The following RHCE variants were observed in gnomAD, a reference collection of about 807,000 sequenced individuals.
The protein encoded by RHCE is blood group Rh(CE) polypeptide.
Under a neutral mutation model 43.8 loss-of-function variants are expected in RHCE, and 22 were observed. That is an observed-to-expected ratio of 0.50 (90% CI 0.36 to 0.72). The LOEUF is 0.72. Among genes scored for constraint, RHCE ranks in the 30% least tolerant of loss-of-function variants. The pLI, the probability that RHCE is intolerant of heterozygous loss-of-function variation, is 0.00. For synonymous variants in RHCE, 156 were observed against 210.7 expected (o/e 0.74, Z 2.25); for missense variants, 385 against 525.4 (o/e 0.73, Z 2.61).
intron 3 of RHCE, among the ~76,000 whole-genome samples, chr1:25,399,546 A>G (rs1646664456): frequency 6.6e-6 from 1 of 151,208 alleles, no homozygotes; most frequent in Admixed American, 6.6e-5. Flanking sequence ...CATATGATCA[A>G]ACTTCCATAT....
rs534024725 is a variant in RHCE, at chr1:25,393,886, G to C, written c.487-1745C>G. 3.3e-5 allele frequency among the ~76,000 whole-genome samples: 5 copies of C among 152,214 alleles called. No individual in the cohort carries two copies. In the East Asian group the frequency reaches 9.6e-4, roughly 29 times the overall value. On this transcript the variant is annotated intron_variant, in intron 3 of 9. Coordinates refer to ENST00000294413, the MANE Select transcript of RHCE (RefSeq NM_020485.8). ...GGGTGTAACAAGGGCAGGATGGAGG[G>C]AGTAGTCCACCCTGGGTGCAAGCAA...
chr1:25,401,097 C>T (rs1487886963), intron 3 of RHCE, among the ~76,000 whole-genome samples: 3 of 152,150 alleles, frequency 2.0e-5, no homozygotes, highest in Non-Finnish European at 4.4e-5. Context: ...TCTCCTCTGC[C>T]CAACACTCCC....
intron 2 of RHCE, among the ~76,000 whole-genome samples, chr1:25,404,721 G>C (rs977772552): frequency 1.3e-5 from 2 of 151,856 alleles, no homozygotes; most frequent in Admixed American, 6.6e-5. Context: ...TGTGATCCTG[G>C]GCAACTTATT....
At chr1:25,371,045 C>T (rs1389034333) in intron 8 of RHCE, among the ~76,000 whole-genome samples, 1 of 149,996 alleles carries the variant, frequency 6.7e-6, no homozygotes, top group Non-Finnish European at 1.5e-5. Flanking sequence ...CATAAGCCAC[C>T]ACACCCGGCC....
Position 25,362,502 on chromosome 1 carries a change from C to A in RHCE, c.*25G>T, listed in dbSNP as rs768174478. The A allele has an allele frequency of 1.9e-6, 3 of 1,592,554 alleles. No individual in the cohort carries two copies. Among genetic ancestry groups the A allele is most frequent in the Admixed American group, 1.8e-5 (1 of 56,264 alleles). Reference sequence around the variant, plus strand: ...GGAAGTTGTCTTGTTTTTGAACAGGCCTTGTTTTTCTTGGATGCTTTTGCT... The same window carrying A: ...GGAAGTTGTCTTGTTTTTGAACAGGACTTGTTTTTCTTGGATGCTTTTGCT... On this transcript the variant is annotated 3_prime_UTR_variant, in exon 10 of 10. Transcript: ENST00000294413.
At position 25,402,756 on chromosome 1, in the gene RHCE, A is replaced by T; in HGVS notation, c.336-10T>A. 1 of 1,614,156 alleles carries T rather than the reference A, an allele frequency of 6.2e-7. No individual in the cohort carries two copies. The highest frequency in any genetic ancestry group is 2.2e-5 in the East Asian group (1 of 44,874). ...GGTGGCCAGCCGAATACTGGGGGTGAGAAGGAGAGCCAGGATGACTGAGAA... is the reference window on the plus strand; with the variant it reads ...GGTGGCCAGCCGAATACTGGGGGTGTGAAGGAGAGCCAGGATGACTGAGAA... On this transcript the variant is annotated splice_polypyrimidine_tract_variant and intron_variant, in intron 2 of 9. Transcript: ENST00000294413.
chr1:25,421,931 G>C (rs989178748), upstream of RHCE, among the ~76,000 whole-genome samples: 4 of 152,236 alleles, frequency 2.6e-5, no homozygotes, highest in African/African-American at 9.6e-5. Flanking sequence ...AAGGTGGAAA[G>C]TGGATACTTT....
chr1:25,389,248 C>T (rs1366919785), intron 5 of RHCE, 135 bp from the exon 6 acceptor site: 2 of 1,482,944 alleles, frequency 1.3e-6, no homozygotes, highest in South Asian at 1.2e-5. Context: ...AACCACCTCT[C>T]CCCTGTGTTG....
intron 2 of RHCE, among the ~76,000 whole-genome samples, chr1:25,406,534 A>G (rs187818188): frequency 3.4e-5 from 4 of 119,086 alleles, no homozygotes; most frequent in African/African-American, 1.0e-4. Context: ...GTCGGTCTCG[A>G]ACTCCTGACC....
chr1:25,387,914 A>G (rs1182230477), intron 6 of RHCE, among the ~76,000 whole-genome samples: 2 of 151,786 alleles, frequency 1.3e-5, no homozygotes, highest in Non-Finnish European at 2.9e-5. Flanking sequence ...TCTGTCTCCC[A>G]GGTTCAAGTG....
At chr1:25,369,365 T>G (rs576356100) in intron 9 of RHCE, among the ~76,000 whole-genome samples, 1 of 151,810 alleles carries the variant, frequency 6.6e-6, no homozygotes, top group East Asian at 1.9e-4. Flanking sequence ...TGACCACTGT[T>G]GGCCTGGACT....
Position 25,390,885 on chromosome 1 carries a change from C to A in RHCE, c.665G>T (p.Ser222Ile). ...GALFLWMFWP[S>I]VNSALLRSPI... ...ACTTCTCAGCAGAGCAGAGTTGACA[C>A]TTGGCCAGAACATCCACAAGAAGAG... Residue 222 changes from serine (S) to isoleucine (I), a missense_variant, in exon 5 of 10, where the codon AGT becomes ATT. Around this residue, in one of 6 missense-constraint regions of RHCE, gnomAD observed 110 missense variants for 103.4 expected, o/e 1.06. Transcript: ENST00000294413. 6.2e-7 allele frequency: 1 copy of A among 1,614,242 alleles called. No homozygotes were observed. The highest frequency in any genetic ancestry group is 8.5e-7 in the Non-Finnish European group (1 of 1,180,038).
intron 1 of RHCE, among the ~76,000 whole-genome samples, chr1:25,413,235 T>C (rs1025090612): frequency 3.9e-5 from 6 of 152,280 alleles, no homozygotes; most frequent in African/African-American, 1.4e-4. Context: ...ACAGAGCTCA[T>C]GCACCCCAAA....
chr1:25,393,098 G>A (rs1422568008), intron 3 of RHCE, among the ~76,000 whole-genome samples: 2 of 152,122 alleles, frequency 1.3e-5, no homozygotes, highest in African/African-American at 4.8e-5. Context: ...TTTTAGTAAT[G>A]CTTCATAACT....
At chr1:25,380,898 C>T (rs1229251204) in intron 7 of RHCE, among the ~76,000 whole-genome samples, 1 of 145,936 alleles carries the variant, frequency 6.9e-6, no homozygotes, top group African/African-American at 2.6e-5. Flanking sequence ...TTTCTTTCTT[C>T]CTTTTTTTTT....
chr1:25,404,464 C>A (rs1216315371), intron 2 of RHCE, among the ~76,000 whole-genome samples: 3 of 149,496 alleles, frequency 2.0e-5, no homozygotes, highest in Non-Finnish European at 3.0e-5. Flanking sequence ...CTTACAGGGA[C>A]CAGGAATTTA....
At chr1:25,390,649 C>A in intron 5 of RHCE, 100 bp downstream of exon 5, 1 of 1,404,178 alleles carries the variant, frequency 7.1e-7, no homozygotes, top group Non-Finnish European at 1.0e-6. Context: ...CCCGGCATGC[C>A]CTCTCCCAAC....
chr1:25,384,234 G>A (rs1250848284), intron 7 of RHCE, among the ~76,000 whole-genome samples: 2 of 151,430 alleles, frequency 1.3e-5, no homozygotes, highest in African/African-American at 4.9e-5. Flanking sequence ...GCCACACAGT[G>A]TTACTAACAA....
At chr1:25,428,313 T>G (rs942175611) in intron 2 of RHCE, among the ~76,000 whole-genome samples, 1 of 152,234 alleles carries the variant, frequency 6.6e-6, no homozygotes, top group Admixed American at 6.5e-5. Context: ...GACTTTACCA[T>G]GTACCTGTTC....
Sources: allele counts gnomAD v4.1 joint callset (sites outside exome capture counted in the v4.1 genomes callset), GRCh38; gene constraint gnomAD v4.1.1; regional missense constraint gnomAD v4.1.1; transcripts MANE v1.5; gene names NCBI Gene and HGNC (gene_info 2026-07-23, HGNC 2026-07-21).